CD300LG: variants seen among roughly 807,000 people sequenced by gnomAD.
The protein encoded by CD300LG is CD300 molecule like family member g, also known as CMRF35-like molecule 9.
Under a neutral mutation model 31.5 loss-of-function variants are expected in CD300LG, and 29 were observed. The ratio of observed to expected loss-of-function variants is 0.92; its 90% confidence interval spans 0.68 to 1.25. The LOEUF (loss-of-function observed/expected upper bound fraction) is 1.25, where lower values mean the gene tolerates loss of function less well. CD300LG is among the 50% of genes most tolerant of loss of function. The pLI is 0.00. For missense variants in CD300LG, 396 were observed against 417.6 expected, an observed-to-expected ratio of 0.95 and a Z score of 0.45; for synonymous variants, 175 against 177.2, an observed-to-expected ratio of 0.99 and a Z score of 0.10.
At chr17:43,860,841 G>A (rs1287808791) in intron 6 of CD300LG, among the ~76,000 whole-genome samples, 1 of 152,198 alleles carries the variant, frequency 6.6e-6, no homozygotes, top group Non-Finnish European at 1.5e-5. Flanking sequence ...TTTCTCATTG[G>A]TTGAGTGGTA....
Position 43,855,308 on chromosome 17 carries a change from G to A in CD300LG, c.821G>A (p.Trp274Ter). 6.3e-7 allele frequency: 1 copy of A among 1,584,252 alleles called. No homozygotes were observed. The highest frequency in any genetic ancestry group is 8.6e-7 in the Non-Finnish European group (1 of 1,168,120). Residue 274 changes from tryptophan (W) to a stop codon, truncating the protein, a stop_gained, in exon 5 of 7, where the codon TGG becomes TAG. Transcript: ENST00000317310. LOFTEE classifies it high-confidence loss of function. ...GCCTTCTGCAGCCACCTGCTCCTGT[G>A]GAGAAAGGAAGGTGAGCAAAGGTGG... is the stretch of plus-strand genomic sequence containing the variant. ...LIAFCSHLLL[W>*]RKEAQQATET...
chr17:43,850,169 C>G (rs1006500271), intron 2 of CD300LG, among the ~76,000 whole-genome samples: 1 of 152,204 alleles, frequency 6.6e-6, no homozygotes, highest in African/African-American at 2.4e-5. Flanking sequence ...CAGTGATGTG[C>G]TGGTAAATGT....
intron 1 of CD300LG, 135 bp downstream of exon 1, chr17:43,847,394 T>TGGGGGGGGGGG: frequency 3.2e-6 from 1 of 311,078 alleles, no homozygotes. Context: ...CGGGGCGGGC[T>TGGGGGGGGGGG]GGGGGTGGGG....
At position 43,853,850 on chromosome 17, in the gene CD300LG, G is replaced by A. The variant is rs761707909; in HGVS notation, c.525G>A (p.Gly175=). The change falls in exon 4 of 7, where the codon GGG becomes GGA. Residue 175 remains glycine (G), a synonymous_variant. Transcript: ENST00000317310. ...CGGCAGCCACCACAGCCAAGCAGGGGAAGACAGGGGCTGAGGCCCCTCCAT... is the reference window on the plus strand; with the variant it reads ...CGGCAGCCACCACAGCCAAGCAGGGAAAGACAGGGGCTGAGGCCCCTCCAT... ...LYPAATTAKQ[G]KTGAEAPPLP... 4.6e-5 allele frequency: 74 copies of A among 1,613,982 alleles called. No homozygotes were observed. The Middle Eastern group carries it at 6.6e-4, about 14-fold the overall frequency.
chr17:43,853,128 G>A, intron 3 of CD300LG, 115 bp downstream of exon 3: 1 of 832,654 alleles, frequency 1.2e-6, no homozygotes, highest in Non-Finnish European at 1.9e-6. Flanking sequence ...GTCCCCACAA[G>A]CCTGGGAGCT....
intron 2 of CD300LG, chr17:43,850,049 ATTCT>A (rs1239631604): frequency 5.9e-5 from 9 of 152,116 alleles, no homozygotes; most frequent in Admixed American, 4.6e-4. Flanking sequence ...CTCATTTGTA[ATTCT>A]TTATTTGTGT....
rs908246183 is a variant in CD300LG at position 43,857,619 on chromosome 17, C to T, written c.885+463C>T. On this transcript the variant is annotated intron_variant, in intron 6 of 6. Coordinates refer to ENST00000317310, the MANE Select transcript of CD300LG (RefSeq NM_145273.4). ...GGGCCCCAGACCCAGCTGAACCCTC[C>T]AGGGGTGGGGTCCAGGGACTCTGGC... 9.6e-6 allele frequency: 11 copies of T among 1,142,666 alleles called. No individual in the cohort carries two copies. In the African/African-American group the frequency reaches 1.7e-4, roughly 17 times the overall value. 70.8% of individuals were successfully genotyped at this position (1,142,666 alleles called of 1,614,324 possible).
At position 43,856,183 on chromosome 17, in the gene CD300LG, T is replaced by C. The variant is rs75511664; in HGVS notation, c.832+864T>C. ...CATTATCATTTTGATATGGAATCAATATGAAAATATCAATGATACATATTC... is the reference window on the plus strand; with the variant it reads ...CATTATCATTTTGATATGGAATCAACATGAAAATATCAATGATACATATTC... On this transcript the variant is annotated intron_variant, in intron 5 of 6. Coordinates refer to ENST00000317310, the MANE Select transcript of CD300LG (RefSeq NM_145273.4). Among the ~76,000 whole-genome samples, 1,053 of 152,294 alleles carry C rather than the reference T, an allele frequency of 6.9e-3. 17 individuals carry two copies. The highest frequency in any genetic ancestry group is 0.024 in the African/African-American group (980 of 41,556).
intron 2 of CD300LG, among the ~76,000 whole-genome samples, chr17:43,850,963 C>A (rs930991120): frequency 6.6e-6 from 1 of 151,490 alleles, no homozygotes; most frequent in Non-Finnish European, 1.5e-5. Flanking sequence ...GGTGAAACCC[C>A]GTCTCTACTA....
At chr17:43,857,493 T>G in intron 6 of CD300LG, 1 of 1,527,752 alleles carries the variant, frequency 6.5e-7, no homozygotes, top group Non-Finnish European at 8.8e-7. Context: ...TGGATCCAGA[T>G]GAAGCCTTTG....
rs762263543 is a variant in CD300LG, at chr17:43,848,889, T to C, written c.375T>C (p.Phe125=). ...DESLLISLFV[F]PGPCCPPSPS... is the part of the protein sequence containing the mutation. ...CTTTACTGATCTCTCTGTTCGTCTT[T>C]CCAGGTAACAGATATCTCTCCTTCC... Residue 125 remains phenylalanine (F), a synonymous_variant, in exon 2 of 7, where the codon TTT becomes TTC. Transcript: ENST00000317310. 1 of 1,605,494 alleles carries C rather than the reference T, an allele frequency of 6.2e-7. No individual in the cohort carries two copies. The highest frequency in any genetic ancestry group is 8.5e-7 in the Non-Finnish European group (1 of 1,173,034).
In CD300LG at chr17:43,857,499, C is replaced by T. The variant is rs777565784; in HGVS notation, c.885+343C>T. 1.8e-5 allele frequency: 27 copies of T among 1,518,864 alleles called. No individual in the cohort carries two copies. The Middle Eastern group carries it at 5.0e-4, about 28-fold the overall frequency. 94.1% of individuals were successfully genotyped at this position (1,518,864 alleles called of 1,614,324 possible). On this transcript the variant is annotated intron_variant, in intron 6 of 6. Transcript: ENST00000317310. ...CATCAGAGCTGGATCCAGATGAAGC[C>T]TTTGAGATCTCTAGCCTGACTTTTC...
At chr17:43,855,481 C>T (rs965093835) in intron 5 of CD300LG, 162 bp downstream of exon 5, 15 of 466,634 alleles carry the variant, frequency 3.2e-5, no homozygotes, top group South Asian at 8.2e-5. Context: ...GAAGGAGCCA[C>T]GAGGTAGTCA....
chr17:43,849,254 AGAGATATTCCT>A, intron 2 of CD300LG: 1 of 407,614 alleles, frequency 2.5e-6, no homozygotes, highest in Non-Finnish European at 4.4e-6. Flanking sequence ...GCCTGGTGTC[AGAGATATTCCT>A]GAGGCCTCCC....
Position 43,862,315 on chromosome 17 carries a change from T to A in CD300LG, c.*404T>A, listed in dbSNP as rs945512672. On this transcript the variant is annotated 3_prime_UTR_variant, in exon 7 of 7. Coordinates refer to ENST00000317310, the MANE Select transcript of CD300LG (RefSeq NM_145273.4). ...CAGACCCCACCTTGTCTTCCCTCCCTGGCGTCCTCAGACTTAGTCCCACGG... is the reference window on the plus strand; with the variant it reads ...CAGACCCCACCTTGTCTTCCCTCCCAGGCGTCCTCAGACTTAGTCCCACGG... The A allele has an allele frequency of 6.5e-6, 1 of 154,134 alleles. No homozygotes were observed. Among genetic ancestry groups the A allele is most frequent in the Non-Finnish European group, 1.4e-5 (1 of 69,410 alleles). 9.5% of individuals were successfully genotyped at this position (154,134 alleles called of 1,614,324 possible). A position where few individuals can be genotyped will look rare whatever the true frequency, so the allele number is the denominator to read the frequency against.
chr17:43,850,456 C>T (rs187820742), intron 2 of CD300LG, among the ~76,000 whole-genome samples: 21 of 150,838 alleles, frequency 1.4e-4, no homozygotes, highest in Admixed American at 7.9e-4. Flanking sequence ...TATTTTTATT[C>T]ATTCATTCAT....
At position 43,848,572 on chromosome 17, in the gene CD300LG, G is replaced by C; in HGVS notation, c.58G>C (p.Glu20Gln). Reference protein sequence around the residue: ...CLLLPGYEALEGPEEISGFEG... With the variant: ...CLLLPGYEALQGPEEISGFEG... ...TCTGATTTTAGGTTATGAAGCCCTG[G>C]AGGGCCCAGAGGAAATCAGCGGGTT... is the stretch of plus-strand genomic sequence containing the variant. Residue 20 changes from glutamate (E) to glutamine (Q), a missense_variant, in exon 2 of 7, where the codon GAG becomes CAG. Glu to Gln is a conservative substitution (Grantham distance 29). Coordinates refer to ENST00000317310, the MANE Select transcript of CD300LG (RefSeq NM_145273.4). 1 of 1,613,730 alleles carries C rather than the reference G, an allele frequency of 6.2e-7. No individual in the cohort carries two copies. The highest frequency in any genetic ancestry group is 1.1e-5 in the South Asian group (1 of 91,052).
rs1290544764 is a variant in CD300LG, at chr17:43,863,434, A to G, written c.*1523A>G. On this transcript the variant is annotated 3_prime_UTR_variant, in exon 7 of 7. Transcript: ENST00000317310. ...ACCCATAGTCTCACCAGAGACTATC[A>G]TTATTTCGTTTTGTTGTACTTCCTT... The G allele has an allele frequency of 6.6e-6, 1 of 152,212 alleles. No individual in the cohort carries two copies. The highest frequency in any genetic ancestry group is 1.9e-4 in the East Asian group (1 of 5,198). 9.4% of individuals were successfully genotyped at this position (152,212 alleles called of 1,614,324 possible).
intron 6 of CD300LG, chr17:43,858,738 T>A (rs757887513): frequency 8.1e-6 from 8 of 982,242 alleles, no homozygotes; most frequent in Non-Finnish European, 9.7e-6. Flanking sequence ...ATTGAAGGGG[T>A]TTGGGGCTTT....
Sources: gnomAD v4.1 joint callset for allele counts (sites outside exome capture counted in the v4.1 genomes callset) on GRCh38, gnomAD v4.1.1 for gene constraint, MANE v1.5 for transcripts, NCBI Gene and HGNC (gene_info 2026-07-23, HGNC 2026-07-21) for gene names.